CNTNAP2: variants seen among roughly 807,000 people sequenced by gnomAD.
CNTNAP2 encodes contactin-associated protein-like 2.
A neutral mutation model predicts 155.2 loss-of-function variants in CNTNAP2; 98 were observed. The ratio of observed to expected loss-of-function variants is 0.63; its 90% CI spans 0.54 to 0.75. CNTNAP2 has a LOEUF of 0.75. CNTNAP2 is among the 30% of genes least tolerant of loss of function. The pLI is 0.00. For missense variants in CNTNAP2, 1,727 were observed against 1,688.1 expected (o/e 1.02, Z -0.40); for synonymous variants, 651 against 631.2 (o/e 1.03, Z -0.47).
intron 21 of CNTNAP2, among the ~76,000 whole-genome samples, chr7:148,303,800 G>C (rs151256682): frequency 6.6e-6 from 1 of 152,184 alleles, no homozygotes; most frequent in African/African-American, 2.4e-5. Context: ...AATTGGAAAC[G>C]TGTTTAATGG....
At chr7:146,843,213 C>G (rs1390226408) in intron 3 of CNTNAP2, among the ~76,000 whole-genome samples, 1 of 140,448 alleles carries the variant, frequency 7.1e-6, no homozygotes, top group African/African-American at 2.9e-5. Flanking sequence ...GGGGTTTCAC[C>G]TTGTTAGCCA....
intron 14 of CNTNAP2, among the ~76,000 whole-genome samples, chr7:147,963,930 A>G (rs1164406775): frequency 1.3e-5 from 2 of 152,126 alleles, no homozygotes; most frequent in Non-Finnish European, 2.9e-5. Context: ...CTAAAACCCA[A>G]TATAAAACAT....
At chr7:148,165,459 A>G (rs1805636613) in intron 17 of CNTNAP2, among the ~76,000 whole-genome samples, 1 of 152,180 alleles carries the variant, frequency 6.6e-6, no homozygotes, top group African/African-American at 2.4e-5. Context: ...AGATTTATAT[A>G]CACATCATCT....
intron 1 of CNTNAP2, among the ~76,000 whole-genome samples, chr7:146,385,006 A>G (rs567505869): frequency 6.6e-6 from 1 of 152,282 alleles, no homozygotes; most frequent in Non-Finnish European, 1.5e-5. Flanking sequence ...TGGTGAATGA[A>G]TAAGTCCTTA....
intron 9 of CNTNAP2, among the ~76,000 whole-genome samples, chr7:147,318,532 G>A (rs866596795): frequency 3.7e-4 from 57 of 152,176 alleles, no homozygotes; most frequent in African/African-American, 1.2e-3. Flanking sequence ...CATGTCCTTT[G>A]CAGGGACACA....
intron 8 of CNTNAP2, among the ~76,000 whole-genome samples, chr7:147,196,026 TAGAGTCCTTATA>T (rs1454999608): frequency 6.6e-6 from 1 of 152,088 alleles, no homozygotes; most frequent in African/African-American, 2.4e-5. Context: ...ACAGTAAAAC[TAGAGTCCTTATA>T]AGAAGGGGAA....
At position 147,761,041 on chromosome 7, in the gene CNTNAP2, T is replaced by C. The variant is rs534826800; in HGVS notation, c.2098+121735T>C. Among the ~76,000 whole-genome samples the C allele has an allele frequency of 2.1e-3, 319 of 152,326 alleles. 2 individuals carry two copies. Among genetic ancestry groups the C allele is most frequent in the African/African-American group, 7.3e-3 (302 of 41,582 alleles). On this transcript the variant is annotated intron_variant, in intron 13 of 23. Coordinates refer to ENST00000361727, the MANE Select transcript of CNTNAP2 (RefSeq NM_014141.6). ...TTCCGGCTGCTGGCATTATAGTATA[T>C]GGCTTAGATTAATTTTCATGAGATT...
chr7:148,008,146 G>A (rs1002938569), intron 15 of CNTNAP2, among the ~76,000 whole-genome samples: 11 of 151,790 alleles, frequency 7.2e-5, no homozygotes, highest in African/African-American at 2.4e-4. Flanking sequence ...GGTAGATCAC[G>A]AGGTCAGGAG....
At chr7:147,211,895 A>C (rs2116573310) in intron 8 of CNTNAP2, among the ~76,000 whole-genome samples, 1 of 152,086 alleles carries the variant, frequency 6.6e-6, no homozygotes, top group South Asian at 2.1e-4. Flanking sequence ...ATATTTGCAA[A>C]CTATGCATCC....
chr7:146,767,625 C>G (rs1356367031), intron 1 of CNTNAP2, among the ~76,000 whole-genome samples: 3 of 151,934 alleles, frequency 2.0e-5, no homozygotes, highest in Non-Finnish European at 4.4e-5. Flanking sequence ...ATGTATGAAC[C>G]ATAAAAATGG....
chr7:146,775,432 TG>T (rs930304999), intron 2 of CNTNAP2, among the ~76,000 whole-genome samples: 7 of 152,054 alleles, frequency 4.6e-5, no homozygotes, highest in African/African-American at 1.7e-4. Context: ...ATAAATTTTT[TG>T]TGACTGCACC....
chr7:147,620,917 A>G (rs974502641), intron 12 of CNTNAP2, among the ~76,000 whole-genome samples: 1 of 152,194 alleles, frequency 6.6e-6, no homozygotes, highest in African/African-American at 2.4e-5. Context: ...GACCCAAAGA[A>G]GACTAGCTCA....
In CNTNAP2 at chr7:147,968,893, G is replaced by A. The variant is rs542972192; in HGVS notation, c.2256-8969G>A. Reference sequence around the variant, plus strand: ...TGGGCAACACCCCACTCTATAAACTGGAATAGCTGTCCCAGTGCCCTGAGT... The same window carrying A: ...TGGGCAACACCCCACTCTATAAACTAGAATAGCTGTCCCAGTGCCCTGAGT... On this transcript the variant is annotated intron_variant, in intron 14 of 23. Coordinates refer to ENST00000361727, the MANE Select transcript of CNTNAP2 (RefSeq NM_014141.6). Among the ~76,000 whole-genome samples, 19 of 152,252 alleles carry A rather than the reference G, an allele frequency of 1.2e-4. No homozygotes were observed. The South Asian group carries it at 3.7e-3, about 30-fold the overall frequency.
At chr7:146,166,077 G>T (rs78212156) in intron 1 of CNTNAP2, among the ~76,000 whole-genome samples, 3 of 151,984 alleles carry the variant, frequency 2.0e-5, no homozygotes, top group East Asian at 3.9e-4. Context: ...CCCCACCCCT[G>T]TTTTTTTGGT....
At chr7:146,426,130 G>A (rs570165434) in intron 1 of CNTNAP2, among the ~76,000 whole-genome samples, 6 of 133,944 alleles carry the variant, frequency 4.5e-5, no homozygotes, top group Non-Finnish European at 6.1e-5. Flanking sequence ...AGGCTGCAGC[G>A]AGCCAAGATC....
At chr7:147,477,168 T>G (rs1199621776) in intron 10 of CNTNAP2, among the ~76,000 whole-genome samples, 1 of 152,162 alleles carries the variant, frequency 6.6e-6, no homozygotes, top group Non-Finnish European at 1.5e-5. Context: ...GGGAGAAATA[T>G]AGTTTACAAT....
chr7:148,113,275 G>T (rs778454487), intron 15 of CNTNAP2, among the ~76,000 whole-genome samples: 6 of 152,178 alleles, frequency 3.9e-5, no homozygotes, highest in Non-Finnish European at 5.9e-5. Flanking sequence ...AGGCAAAGGG[G>T]ATGTACACAT....
chr7:146,977,170 GCTA>G (rs1262205842), intron 3 of CNTNAP2, among the ~76,000 whole-genome samples: 8 of 151,728 alleles, frequency 5.3e-5, no homozygotes, highest in East Asian at 1.9e-4. Flanking sequence ...AAGGGAGGAG[GCTA>G]CTATTGTTTA....
chr7:146,994,895 C>A (rs1342000000), intron 3 of CNTNAP2, among the ~76,000 whole-genome samples: 1 of 151,994 alleles, frequency 6.6e-6, no homozygotes, highest in African/African-American at 2.4e-5. Context: ...AAGAATACAA[C>A]ATGATTATTA....
Sources: allele counts gnomAD v4.1 joint callset (sites outside exome capture counted in the v4.1 genomes callset), GRCh38; gene constraint gnomAD v4.1.1; transcripts MANE v1.5; gene names NCBI Gene and HGNC (gene_info 2026-07-23, HGNC 2026-07-21).